Variants in GLP1R observed in about 807,000 individuals in gnomAD.
GLP1R encodes the protein glucagon like peptide 1 receptor.
A neutral mutation model predicts 68.4 loss-of-function variants in GLP1R; 32 were observed. The ratio of observed to expected loss-of-function variants is 0.47; its 90% confidence interval spans 0.35 to 0.63. The LOEUF (loss-of-function observed/expected upper bound fraction) is 0.63, where lower values mean the gene tolerates loss of function less well. Among genes scored for constraint, GLP1R ranks in the 20% least tolerant of loss-of-function variants. The pLI, the probability that GLP1R is intolerant of heterozygous loss-of-function variation, is 0.00. For synonymous variants in GLP1R, 263 were observed against 244.4 expected, an observed-to-expected ratio of 1.08 and a Z score of -0.71; for missense variants, 502 against 594.9, an observed-to-expected ratio of 0.84 and a Z score of 1.62.
At chr6:39,056,540 A>C in intron 2 of GLP1R, 47 bp downstream of exon 2, 2 of 981,714 alleles carry the variant, frequency 2.0e-6, no homozygotes, top group Non-Finnish European at 3.3e-6. Flanking sequence ...CACCCAACCA[A>C]CTTCTGGAGG....
Position 39,089,534 on chromosome 6 carries a change from C to T in GLP1R, c.*3461C>T, listed in dbSNP as rs950609242. ...TCATCAGGGTTGGCTGTGTACTATCCAGCAGCTCACAGTCAGGAGACCTCC... is the reference window on the plus strand; with the variant it reads ...TCATCAGGGTTGGCTGTGTACTATCTAGCAGCTCACAGTCAGGAGACCTCC... On this transcript the variant is annotated 3_prime_UTR_variant, in exon 13 of 13. Coordinates refer to ENST00000373256, the MANE Select transcript of GLP1R (RefSeq NM_002062.5). The surrounding 1 kb of genome is among the most constrained non-coding windows in gnomAD (Gnocchi z 4.1). Among the ~76,000 whole-genome samples, 2 of 152,202 alleles carry T rather than the reference C, an allele frequency of 1.3e-5. No individual in the cohort carries two copies. Among genetic ancestry groups the T allele is most frequent in the African/African-American group, 4.8e-5 (2 of 41,456 alleles).
At chr6:39,061,567 C>A (rs983541053) in intron 3 of GLP1R, among the ~76,000 whole-genome samples, 1 of 152,128 alleles carries the variant, frequency 6.6e-6, no homozygotes, top group Non-Finnish European at 1.5e-5. Flanking sequence ...GAAACTGAGG[C>A]CCAAGCTTGT....
chr6:39,056,264 G>T, intron 1 of GLP1R, 133 bp from the exon 2 acceptor site: 1 of 576,150 alleles, frequency 1.7e-6, no homozygotes, highest in South Asian at 2.2e-5. Flanking sequence ...CTCTTTCAGA[G>T]GTGGCTGATG....
intron 1 of GLP1R, among the ~76,000 whole-genome samples, chr6:39,053,277 A>G (rs1252285900): frequency 2.6e-5 from 4 of 152,170 alleles, no homozygotes; most frequent in African/African-American, 9.7e-5. Context: ...GGGAGGATGA[A>G]ATGGAGGAGT....
chr6:39,076,974 C>G (rs935759578), intron 7 of GLP1R, among the ~76,000 whole-genome samples: 2 of 152,198 alleles, frequency 1.3e-5, no homozygotes, highest in Non-Finnish European at 2.9e-5. Context: ...CATTGAGGCT[C>G]TGAAGGTGAG....
At chr6:39,077,650 T>C (rs780258556) in intron 7 of GLP1R, among the ~76,000 whole-genome samples, 4 of 152,232 alleles carry the variant, frequency 2.6e-5, no homozygotes, top group Non-Finnish European at 5.9e-5. Context: ...CCCAAGGGTA[T>C]GAGCACAGGA....
intron 1 of GLP1R, among the ~76,000 whole-genome samples, chr6:39,053,591 G>A (rs992670841): frequency 6.6e-6 from 1 of 152,154 alleles, no homozygotes; most frequent in African/African-American, 2.4e-5. Flanking sequence ...CCTTCTCCAT[G>A]TGCCCACCAT....
At chr6:39,050,105 A>G (rs148292026) in intron 1 of GLP1R, among the ~76,000 whole-genome samples, 1 of 152,224 alleles carries the variant, frequency 6.6e-6, no homozygotes, top group African/African-American at 2.4e-5. Flanking sequence ...ATTATTTTCC[A>G]GACGCATCCT....
chr6:39,069,833 C>G (rs1227310859), intron 5 of GLP1R, among the ~76,000 whole-genome samples: 3 of 152,146 alleles, frequency 2.0e-5, no homozygotes, highest in African/African-American at 4.8e-5. Flanking sequence ...CTATCTTAGT[C>G]TGTGCCTGCT....
Position 39,087,573 on chromosome 6 carries a change from G to C in GLP1R, c.*1500G>C, listed in dbSNP as rs199754041. ...GTCAGGACCTCCGGGGAGAGCAGAG[G>C]GTTCCGACGGATTCCTTTATGAGTC... On this transcript the variant is annotated 3_prime_UTR_variant, in exon 13 of 13. Coordinates refer to ENST00000373256, the MANE Select transcript of GLP1R (RefSeq NM_002062.5). 1 of 152,248 alleles carries C rather than the reference G, an allele frequency of 6.6e-6. No homozygotes were observed. Among genetic ancestry groups the C allele is most frequent in the South Asian group, 2.1e-4 (1 of 4,818 alleles). The allele number at this position is 152,248 out of a possible 1,614,324, so 9.4% of individuals were successfully genotyped here. A position where few individuals can be genotyped will look rare whatever the true frequency, so the allele number is the denominator to read the frequency against.
chr6:39,058,688 G>A (rs9283905), intron 3 of GLP1R, among the ~76,000 whole-genome samples: 55,961 of 135,502 alleles, frequency 0.41, 10,689 homozygotes, highest in East Asian at 0.52. Flanking sequence ...CATCATCATC[G>A]TCATCATAGC....
chr6:39,080,169 CA>C (rs1161962472), intron 11 of GLP1R, among the ~76,000 whole-genome samples: 2 of 116,514 alleles, frequency 1.7e-5, no homozygotes, highest in African/African-American at 6.5e-5. Flanking sequence ...TGTAAAAATA[CA>C]AAAAAACTGG....
chr6:39,052,960 C>G (rs1768120213), intron 1 of GLP1R, among the ~76,000 whole-genome samples: 1 of 152,186 alleles, frequency 6.6e-6, no homozygotes, highest in Non-Finnish European at 1.5e-5. Context: ...TCTTTCCTGT[C>G]TCCTGCTTCC....
chr6:39,056,923 A>G (rs1768227782), intron 2 of GLP1R, among the ~76,000 whole-genome samples: 1 of 150,070 alleles, frequency 6.7e-6, no homozygotes, highest in South Asian at 2.1e-4. Context: ...CAGCCTGTGC[A>G]TGGACTGAGG....
intron 12 of GLP1R, among the ~76,000 whole-genome samples, chr6:39,085,499 C>G (rs1003176033): frequency 2.6e-5 from 4 of 152,324 alleles, no homozygotes; most frequent in Admixed American, 2.0e-4. Context: ...GTTGCCGTCC[C>G]CCTTCTCAAG....
In GLP1R at chr6:39,049,724, C is replaced by G. The variant is rs959254748; in HGVS notation, c.78+806C>G. On this transcript the variant is annotated intron_variant, in intron 1 of 12. Coordinates refer to ENST00000373256, the MANE Select transcript of GLP1R (RefSeq NM_002062.5). The surrounding 1 kb of genome is among the most constrained non-coding windows in gnomAD (Gnocchi z 4.5). ...TCCTTGGTGCCACCAGAGAGCAGGC[C>G]ACAGGTGGACCACCGCAGCCCCTCT... is the stretch of plus-strand genomic sequence containing the variant. Among the ~76,000 whole-genome samples the G allele has an allele frequency of 2.6e-5, 4 of 152,118 alleles. No homozygotes were observed. The highest frequency in any genetic ancestry group is 5.9e-5 in the Non-Finnish European group (4 of 68,016).
intron 4 of GLP1R, 26 bp downstream of exon 4, chr6:39,065,855 A>C: frequency 7.1e-7 from 1 of 1,404,152 alleles, no homozygotes; most frequent in South Asian, 1.2e-5. Flanking sequence ...GTTCTGAGCC[A>C]GGGAGCGGGG....
intron 2 of GLP1R, among the ~76,000 whole-genome samples, chr6:39,056,849 G>GC (rs1768226092): frequency 6.6e-6 from 1 of 152,114 alleles, no homozygotes; most frequent in African/African-American, 2.4e-5. Context: ...CCGCCGGCCA[G>GC]CCCCCCAGCT....
At chr6:39,074,677 G>A (rs1768767825) in intron 7 of GLP1R, among the ~76,000 whole-genome samples, 2 of 152,004 alleles carry the variant, frequency 1.3e-5, no homozygotes, top group South Asian at 2.1e-4. Flanking sequence ...ACGGACCTCC[G>A]GGGACTTTCC....
Sources: allele counts gnomAD v4.1 joint callset (sites outside exome capture counted in the v4.1 genomes callset), GRCh38; gene constraint gnomAD v4.1.1; non-coding constraint Gnocchi (gnomAD v3.1); transcripts MANE v1.5; gene names NCBI Gene and HGNC (gene_info 2026-07-23, HGNC 2026-07-21).